NEMP2: variants seen among roughly 807,000 people sequenced by gnomAD.
The protein encoded by NEMP2 is nuclear envelope integral membrane protein 2, also known as UPF0571 transmembrane protein.
Under a neutral mutation model 54.2 loss-of-function variants are expected in NEMP2, and 53 were observed. That is an observed-to-expected ratio of 0.98 (90% CI 0.78 to 1.23). The LOEUF (loss-of-function observed/expected upper bound fraction) is 1.23. Among genes scored for constraint, NEMP2 ranks in the 50% most tolerant of loss-of-function variants. The pLI is 0.00. For missense variants in NEMP2, 455 were observed against 511.3 expected (o/e 0.89, Z 1.06); for synonymous variants, 197 against 190.3 (o/e 1.04, Z -0.29).
chr2:190,556,376 T>G, the NEMP2 span, among the ~76,000 whole-genome samples: 2 of 152,210 alleles, frequency 1.3e-5, no homozygotes. Context: ...AATATCATAC[T>G]GAATGAGCAA....
chr2:190,421,974 CCTAA>C, the NEMP2 span, among the ~76,000 whole-genome samples: 1 of 152,074 alleles, frequency 6.6e-6, no homozygotes, highest in Non-Finnish European at 1.5e-5. Context: ...AATGAGAAAG[CCTAA>C]CTTTCTCATT....
downstream of NEMP2, chr2:190,500,026 G>A (rs1193826704): frequency 6.2e-6 from 10 of 1,614,184 alleles, no homozygotes; most frequent in Non-Finnish European, 8.5e-6. This position sits in a 1 kb window ranked among gnomAD's most constrained non-coding sequence, Gnocchi z 5.3. Context: ...GGACCAATGA[G>A]AATAGGGAAA....
At chr2:190,565,330 A>G in the NEMP2 span, among the ~76,000 whole-genome samples, 1 of 152,186 alleles carries the variant, frequency 6.6e-6, no homozygotes, top group African/African-American at 2.4e-5. Context: ...TGAAAGCACT[A>G]TTAATCAGGG....
chr2:190,618,658 C>T, the NEMP2 span, among the ~76,000 whole-genome samples: 2 of 152,212 alleles, frequency 1.3e-5, no homozygotes, highest in Non-Finnish European at 2.9e-5. Flanking sequence ...TAGCTTACTG[C>T]AGCCTCGATC....
the NEMP2 span, among the ~76,000 whole-genome samples, chr2:190,434,593 C>T: frequency 6.6e-6 from 1 of 152,024 alleles, no homozygotes; most frequent in African/African-American, 2.4e-5. The surrounding 1 kb of genome is among the most constrained non-coding windows in gnomAD (Gnocchi z 4.3). Flanking sequence ...GCCACCAGGC[C>T]CAGCTAATTC....
Position 190,508,583 on chromosome 2 carries a change from C to T in NEMP2, c.*606G>A, listed in dbSNP as rs1001175338. The T allele has an allele frequency of 6.6e-6, 1 of 152,228 alleles. No individual in the cohort carries two copies. The highest frequency in any genetic ancestry group is 1.5e-5 in the Non-Finnish European group (1 of 68,046). 9.4% of individuals were successfully genotyped at this position (152,228 alleles called of 1,614,324 possible). On this transcript the variant is annotated 3_prime_UTR_variant, in exon 9 of 9. Transcript: ENST00000409150. The surrounding 1 kb of genome is among the most constrained non-coding windows in gnomAD (Gnocchi z 4.3). ...TCAAATTAAGCAAGAAACTGCAGCA[C>T]ACAATTTCTCCCCTTTGGGAGATTC...
chr2:190,428,246 C>T, the NEMP2 span, among the ~76,000 whole-genome samples: 2 of 152,184 alleles, frequency 1.3e-5, no homozygotes, highest in South Asian at 4.1e-4. Context: ...TATGTATCTG[C>T]TGTAGACAGG....
At chr2:190,480,374 T>C in the NEMP2 span, among the ~76,000 whole-genome samples, 1 of 136,168 alleles carries the variant, frequency 7.3e-6, no homozygotes, top group African/African-American at 2.6e-5. Context: ...CCCTGTATCA[T>C]GTACTATAGT....
chr2:190,628,578 T>C, the NEMP2 span: 1 of 152,232 alleles, frequency 6.6e-6, no homozygotes, highest in South Asian at 2.1e-4. The surrounding 1 kb of genome is among the most constrained non-coding windows in gnomAD (Gnocchi z 4.1). Flanking sequence ...TCAGAATCTC[T>C]CTGGGGAGTT....
the NEMP2 span, among the ~76,000 whole-genome samples, chr2:190,577,882 A>C: frequency 8.5e-5 from 13 of 152,176 alleles, no homozygotes; most frequent in Non-Finnish European, 4.4e-5. The surrounding 1 kb of genome is among the most constrained non-coding windows in gnomAD (Gnocchi z 4.8). Flanking sequence ...TAAAAACAAA[A>C]ACAAAAACAA....
the NEMP2 span, among the ~76,000 whole-genome samples, chr2:190,487,050 A>G: frequency 6.6e-6 from 1 of 152,152 alleles, no homozygotes; most frequent in South Asian, 2.1e-4. The surrounding 1 kb of genome is among the most constrained non-coding windows in gnomAD (Gnocchi z 5.5). Flanking sequence ...TAACTGAACT[A>G]TATATTAAGA....
the NEMP2 span, among the ~76,000 whole-genome samples, chr2:190,448,973 T>C: frequency 6.6e-6 from 1 of 152,236 alleles, no homozygotes; most frequent in Non-Finnish European, 1.5e-5. Flanking sequence ...TGTGTGTGCA[T>C]AGTTATAGCT....
chr2:190,549,789 A>G, the NEMP2 span, among the ~76,000 whole-genome samples: 1 of 152,140 alleles, frequency 6.6e-6, no homozygotes, highest in Non-Finnish European at 1.5e-5. Flanking sequence ...TTCCCTAGAC[A>G]TGGAATCCGT....
the NEMP2 span, among the ~76,000 whole-genome samples, chr2:190,576,623 G>A: frequency 1.3e-5 from 2 of 151,124 alleles, no homozygotes; most frequent in African/African-American, 2.4e-5. Flanking sequence ...TTTATGGAGC[G>A]GGGTGGGGCG....
the NEMP2 span, among the ~76,000 whole-genome samples, chr2:190,552,420 C>A: frequency 1.3e-5 from 2 of 152,152 alleles, no homozygotes; most frequent in African/African-American, 2.4e-5. Flanking sequence ...TCCCAGAACC[C>A]ACTGAATAGA....
chr2:190,556,739 A>G, the NEMP2 span, among the ~76,000 whole-genome samples: 5 of 152,212 alleles, frequency 3.3e-5, no homozygotes, highest in Non-Finnish European at 5.9e-5. Context: ...CTACAAAGAT[A>G]ATAAAATACC....
At chr2:190,515,010 T>C (rs562900726) in intron 6 of NEMP2, among the ~76,000 whole-genome samples, 2 of 152,306 alleles carry the variant, frequency 1.3e-5, no homozygotes, top group African/African-American at 4.8e-5. Context: ...CACCATTGGC[T>C]ACAAACCCTA....
the NEMP2 span, among the ~76,000 whole-genome samples, chr2:190,562,019 A>G: frequency 2.6e-5 from 4 of 152,222 alleles, no homozygotes; most frequent in Admixed American, 6.5e-5. This position sits in a 1 kb window ranked among gnomAD's most constrained non-coding sequence, Gnocchi z 5.0. Context: ...AGAAATGTAA[A>G]TGAAAAGCTA....
chr2:190,446,728 G>A, the NEMP2 span, among the ~76,000 whole-genome samples: 1 of 152,140 alleles, frequency 6.6e-6, no homozygotes, highest in African/African-American at 2.4e-5. Context: ...TTCGTTCTGG[G>A]TCTGCTCAAC....
Sources: gnomAD v4.1 joint callset for allele counts (sites outside exome capture counted in the v4.1 genomes callset) on GRCh38, gnomAD v4.1.1 for gene constraint, Gnocchi (gnomAD v3.1) non-coding constraint, MANE v1.5 for transcripts, NCBI Gene and HGNC (gene_info 2026-07-23, HGNC 2026-07-21) for gene names.